Variants in MAP3K15 observed in about 807,000 individuals in gnomAD.
MAP3K15 encodes the protein MAPK/ERK kinase kinase 15.
MAP3K15 carries 124 observed loss-of-function variants against 99.5 expected under a neutral mutation model. The ratio of observed to expected loss-of-function variants is 1.25; its 90% confidence interval spans 1.08 to 1.45. The LOEUF (loss-of-function observed/expected upper bound fraction) is 1.45. Ranked by LOEUF, MAP3K15 falls within the 40% of genes most tolerant of loss-of-function variation. MAP3K15 has a pLI of 0.00. For missense variants in MAP3K15, 1,242 were observed against 1,079.7 expected, an observed-to-expected ratio of 1.15 and a Z score of -2.11; for synonymous variants, 494 against 439.6, an observed-to-expected ratio of 1.12 and a Z score of -1.55.
At chrX:19,416,736 C>T (rs1460743870) in intron 9 of MAP3K15, among the ~76,000 whole-genome samples, 2 of 111,848 alleles carry the variant, frequency 1.8e-5, no homozygotes, top group Non-Finnish European at 3.8e-5. Context: ...AAATCCTGCA[C>T]TTTTTGCAAA....
At chrX:19,413,157 C>T (rs1414874337) in intron 11 of MAP3K15, among the ~76,000 whole-genome samples, 200 bp downstream of exon 11, 1 of 109,319 alleles carries the variant, frequency 9.1e-6, no homozygotes, top group Non-Finnish European at 1.9e-5. Flanking sequence ...CCCACCCCCA[C>T]ACCTCACCAC....
intron 28 of MAP3K15, 41 bp from the exon 29 acceptor site, chrX:19,360,874 A>G (rs766795601): frequency 1.3e-5 from 13 of 1,007,003 alleles, no homozygotes; most frequent in Non-Finnish European, 1.8e-5. Flanking sequence ...CAGTGCTTCA[A>G]GCCAACAGAG....
At chrX:19,475,575 G>A (rs1437838542) in intron 3 of MAP3K15, among the ~76,000 whole-genome samples, 3 of 110,878 alleles carry the variant, frequency 2.7e-5, no homozygotes, top group South Asian at 3.8e-4. Flanking sequence ...CTAAAATGTC[G>A]GACTTCCTTC....
rs72616078 is a variant in MAP3K15, at chrX:19,362,771, A to G, written c.3646T>C (p.Leu1216=). The change falls in exon 26 of 29, where the codon TTG becomes CTG. Residue 1216 remains leucine, a synonymous_variant. Transcript: ENST00000338883. ...RQTLEQKTQE[L]YHLQLKLKSN... ...TTTAATTTTAACTGAAGGTGATACA[A>G]TTCTTGAGTTTTCTGTTCTAGAGTT... The G allele has an allele frequency of 1.8e-5, 21 of 1,188,826 alleles. No individual in the cohort carries two copies. The East Asian group carries it at 4.5e-4, about 25-fold the overall frequency.
intron 3 of MAP3K15, among the ~76,000 whole-genome samples, chrX:19,465,239 T>C (rs1163332251): frequency 9.0e-6 from 1 of 111,456 alleles, no homozygotes; most frequent in African/African-American, 3.3e-5. Flanking sequence ...TCTTACTTTG[T>C]TATTTTCCAA....
intron 6 of MAP3K15, among the ~76,000 whole-genome samples, chrX:19,442,175 G>A (rs1458515021): frequency 9.0e-6 from 1 of 111,178 alleles, no homozygotes; most frequent in Non-Finnish European, 1.9e-5. Context: ...GGATTCTCAC[G>A]CTAGGAAGAC....
intron 6 of MAP3K15, among the ~76,000 whole-genome samples, chrX:19,445,949 A>AAAATAAAT (rs771171380): frequency 0.48 from 47,874 of 99,815 alleles, 8,558 homozygotes; most frequent in East Asian, 0.69. Flanking sequence ...CTCCATCTCA[A>AAAATAAAT]AAATCAATAA....
chrX:19,474,542 T>TGGG lies in MAP3K15; in HGVS notation c.526-10137_526-10136insCCC, dbSNP rs1491492013. 4.6e-4 allele frequency among the ~76,000 whole-genome samples: 23 copies of TGGG among 50,472 alleles called. 3 individuals are homozygous for TGGG. The highest frequency in any genetic ancestry group is 2.2e-3 in the East Asian group (3 of 1,387). The allele number at this position is 50,472 out of a possible 115,157, so 43.8% of individuals were successfully genotyped here. A position where few individuals can be genotyped will look rare whatever the true frequency, so the allele number is the denominator to read the frequency against. ...CCTGAGATCCAGTCATTCTTGGAGGTTGGGGGGGGGGGTCTGTGAACTTGA... is the reference window on the plus strand; with the variant it reads ...CCTGAGATCCAGTCATTCTTGGAGGTGGGTGGGGGGGGGGGTCTGTGAACTTGA... On this transcript the variant is annotated intron_variant, in intron 3 of 28. Coordinates refer to ENST00000338883, the MANE Select transcript of MAP3K15 (RefSeq NM_001001671.4).
chrX:19,487,200 C>G lies in MAP3K15; in HGVS notation c.502-695G>C, dbSNP rs138790896. On this transcript the variant is annotated intron_variant, in intron 2 of 28. Coordinates refer to ENST00000338883, the MANE Select transcript of MAP3K15 (RefSeq NM_001001671.4). ...CTGTAAAACATGTTTTATATATTCT[C>G]AGATTTTTATTTCCTGATAACAAGT... 2.6e-3 allele frequency among the ~76,000 whole-genome samples: 287 copies of G among 110,304 alleles called. 1 individual carries two copies. The highest frequency in any genetic ancestry group is 8.9e-3 in the African/African-American group (271 of 30,430).
intron 18 of MAP3K15, among the ~76,000 whole-genome samples, chrX:19,382,205 C>T (rs757664705): frequency 1.0e-5 from 1 of 97,474 alleles, no homozygotes; most frequent in South Asian, 5.3e-4. Flanking sequence ...GATCGCATTA[C>T]TGCACTCCAG....
chrX:19,378,396 T>C (rs781026563), intron 19 of MAP3K15, among the ~76,000 whole-genome samples: 35 of 112,206 alleles, frequency 3.1e-4, no homozygotes, highest in Non-Finnish European at 6.2e-4. Flanking sequence ...AGAGGTTTAA[T>C]TGATTCACAG....
intron 5 of MAP3K15, 30 bp from the exon 6 acceptor site, chrX:19,457,049 G>C: frequency 1.9e-6 from 2 of 1,035,731 alleles, no homozygotes; most frequent in Non-Finnish European, 2.7e-6. Context: ...AAGTGAGCAA[G>C]AGAGGAAACA....
At chrX:19,375,866 C>T (rs932192421) in intron 19 of MAP3K15, among the ~76,000 whole-genome samples, 14 of 112,378 alleles carry the variant, frequency 1.2e-4, no homozygotes, top group Non-Finnish European at 2.4e-4. Flanking sequence ...TCAGGAGTTA[C>T]GGATTCGAAG....
At chrX:19,361,052 G>A (rs1247776139) in intron 28 of MAP3K15, 10 of 418,250 alleles carry the variant, frequency 2.4e-5, no homozygotes, top group Non-Finnish European at 4.1e-5. Flanking sequence ...GCAGGCTGCA[G>A]TTTAAAGAAG....
chrX:19,410,002 A>T, intron 11 of MAP3K15, 29 bp from the exon 12 acceptor site: 1 of 1,167,213 alleles, frequency 8.6e-7, no homozygotes, highest in Non-Finnish European at 1.2e-6. Flanking sequence ...AGAAGTCAAT[A>T]GTTTGAGTTT....
At chrX:19,407,787 C>T (rs1011457864) in intron 12 of MAP3K15, among the ~76,000 whole-genome samples, 1 of 112,229 alleles carries the variant, frequency 8.9e-6, no homozygotes, top group African/African-American at 3.2e-5. Context: ...AGGGTCTGTA[C>T]CTGATTCTAC....
chrX:19,418,104 G>T (rs2063751857), intron 9 of MAP3K15, among the ~76,000 whole-genome samples: 1 of 111,781 alleles, frequency 8.9e-6, no homozygotes, highest in Non-Finnish European at 1.9e-5. Context: ...AAACAGAGCA[G>T]AAAAACTGGA....
chrX:19,481,231 T>C (rs1277644188), intron 3 of MAP3K15, among the ~76,000 whole-genome samples: 1 of 108,919 alleles, frequency 9.2e-6, no homozygotes, highest in African/African-American at 3.4e-5. Flanking sequence ...ATACAGTCAA[T>C]TGATTTTGAC....
chrX:19,404,004 G>A (rs1175206697), intron 13 of MAP3K15, among the ~76,000 whole-genome samples: 1 of 111,473 alleles, frequency 9.0e-6, no homozygotes, highest in East Asian at 2.8e-4. Context: ...ATTCCACATT[G>A]TGCTGGAGAG....
Sources: allele counts gnomAD v4.1 joint callset (sites outside exome capture counted in the v4.1 genomes callset), GRCh38; gene constraint gnomAD v4.1.1; transcripts MANE v1.5; gene names NCBI Gene and HGNC (gene_info 2026-07-23, HGNC 2026-07-21).